The following CDH12 variants were observed in gnomAD, a reference collection of about 807,000 sequenced individuals.
CDH12 encodes cadherin 12.
In CDH12, 41 loss-of-function variants were observed where a neutral mutation model predicts 74.1. That is an observed-to-expected ratio of 0.55 (90% CI 0.43 to 0.72). CDH12 has a LOEUF of 0.72. Among genes scored for constraint, CDH12 ranks in the 30% least tolerant of loss-of-function variants. The probability of loss-of-function intolerance (pLI) is 0.00; values close to 1 mark genes in which losing one functional copy is unlikely to be tolerated. For missense variants in CDH12, 945 were observed against 977.2 expected (o/e 0.97, Z 0.44); for synonymous variants, 399 against 355.0 (o/e 1.12, Z -1.39).
At chr5:21,867,212 A>C (rs1427271405) in intron 6 of CDH12, among the ~76,000 whole-genome samples, 1 of 152,114 alleles carries the variant, frequency 6.6e-6, no homozygotes, top group Non-Finnish European at 1.5e-5. Context: ...CAAATTAGCC[A>C]GGTGTGGAGG....
At chr5:22,067,248 G>A (rs4455526) in intron 5 of CDH12, among the ~76,000 whole-genome samples, 8,452 of 152,186 alleles carry the variant, frequency 0.056, 787 homozygotes, top group African/African-American at 0.19. Context: ...TATTTACAAA[G>A]GGTATGGGAT....
chr5:22,816,172 C>T (rs1377546731), intron 1 of CDH12, among the ~76,000 whole-genome samples: 2 of 152,090 alleles, frequency 1.3e-5, no homozygotes, highest in African/African-American at 4.8e-5. Flanking sequence ...AAAGCTATTT[C>T]CTTATTTGAA....
intron 1 of CDH12, among the ~76,000 whole-genome samples, chr5:22,618,367 A>G (rs548627912): frequency 1.3e-5 from 2 of 152,232 alleles, no homozygotes; most frequent in East Asian, 3.9e-4. Flanking sequence ...TCAACATTAC[A>G]AGGACCTACA....
At chr5:22,358,333 C>CG (rs113105824) in intron 3 of CDH12, among the ~76,000 whole-genome samples, 127,481 of 151,908 alleles carry the variant, frequency 0.84, 53,551 homozygotes, top group African/African-American at 0.85. Context: ...AACTTGAACC[C>CG]GGAGGCGGAG....
At chr5:21,847,712 TATAAC>T (rs1411901421) in intron 7 of CDH12, among the ~76,000 whole-genome samples, 108 of 152,242 alleles carry the variant, frequency 7.1e-4, no homozygotes, top group African/African-American at 2.5e-3. Context: ...TGCCATGTAA[TATAAC>T]ATATTCACAG....
chr5:21,880,665 T>C (rs1271960143), intron 6 of CDH12, among the ~76,000 whole-genome samples: 1 of 138,574 alleles, frequency 7.2e-6, no homozygotes, highest in Non-Finnish European at 1.6e-5. Flanking sequence ...CTTTCTTTCT[T>C]TCTTTCTTTC....
intron 6 of CDH12, among the ~76,000 whole-genome samples, chr5:21,942,454 C>T (rs1399070460): frequency 6.7e-6 from 1 of 150,142 alleles, no homozygotes; most frequent in Non-Finnish European, 1.5e-5. Flanking sequence ...CTCATTCTCA[C>T]CTAGGTTCTT....
intron 11 of CDH12, among the ~76,000 whole-genome samples, chr5:21,780,323 T>A (rs1745833856): frequency 6.6e-6 from 1 of 152,178 alleles, no homozygotes; most frequent in Non-Finnish European, 1.5e-5. Context: ...ACTATAAAGG[T>A]TCATACTTCC....
At chr5:21,810,371 G>A (rs892629255) in intron 9 of CDH12, among the ~76,000 whole-genome samples, 3 of 152,034 alleles carry the variant, frequency 2.0e-5, no homozygotes, top group African/African-American at 7.2e-5. Context: ...GGTGGAGAAA[G>A]GAAAATTTTA....
chr5:22,748,438 G>GA lies in CDH12; in HGVS notation c.-523+104619dup, dbSNP rs562608548. ...TATTTGTGAGACATGAGTGAATAAG[G>GA]AAAAAAAAAAGATAAAGATAAAAGC... is the stretch of plus-strand genomic sequence containing the variant. On this transcript the variant is annotated intron_variant, in intron 1 of 14. Transcript: ENST00000382254. 5.0e-3 allele frequency among the ~76,000 whole-genome samples: 743 copies of GA among 147,472 alleles called. 4 individuals are homozygous for GA. Among genetic ancestry groups the GA allele is most frequent in the African/African-American group, 0.017 (691 of 40,254 alleles).
intron 1 of CDH12, among the ~76,000 whole-genome samples, chr5:22,660,606 T>G (rs1220480200): frequency 6.6e-6 from 1 of 152,170 alleles, no homozygotes; most frequent in Non-Finnish European, 1.5e-5. Context: ...TTTGTAAAGA[T>G]GAAGTCTCAC....
chr5:21,913,720 C>T (rs752938018), intron 6 of CDH12, among the ~76,000 whole-genome samples: 43 of 151,994 alleles, frequency 2.8e-4, no homozygotes, highest in Non-Finnish European at 5.0e-4. Context: ...CTGTCAACCA[C>T]GCTGGAGTGC....
At chr5:21,990,042 CCTT>C in intron 5 of CDH12, among the ~76,000 whole-genome samples, 1 of 152,212 alleles carries the variant, frequency 6.6e-6, no homozygotes, top group Non-Finnish European at 1.5e-5. Flanking sequence ...TAATTTGTAT[CCTT>C]CTTTCTGTCA....
intron 3 of CDH12, among the ~76,000 whole-genome samples, chr5:22,307,597 G>A (rs189514786): frequency 8.2e-4 from 125 of 152,154 alleles, no homozygotes; most frequent in African/African-American, 2.4e-3. Flanking sequence ...TCCTCATCAG[G>A]AGACCATTTG....
chr5:22,053,087 A>G (rs1740497632), intron 5 of CDH12, among the ~76,000 whole-genome samples: 1 of 151,014 alleles, frequency 6.6e-6, no homozygotes, highest in African/African-American at 2.4e-5. Flanking sequence ...TTTTTTTTAA[A>G]TCATTCCAGA....
intron 1 of CDH12, among the ~76,000 whole-genome samples, chr5:22,573,646 T>A (rs983988430): frequency 6.6e-6 from 1 of 152,208 alleles, no homozygotes; most frequent in African/African-American, 2.4e-5. Flanking sequence ...ATTATATTGA[T>A]CTTTTAAGTG....
chr5:21,945,441 AAAAAAAAAAAAAAAAAAG>A (rs1755533268), intron 6 of CDH12, among the ~76,000 whole-genome samples: 2 of 142,508 alleles, frequency 1.4e-5, no homozygotes, highest in African/African-American at 5.4e-5. Context: ...AAAAAAAAAA[AAAAAAAAAAAAAAAAAAG>A]AGGTTGGAAT....
At chr5:22,324,459 T>A (rs903178605) in intron 3 of CDH12, among the ~76,000 whole-genome samples, 1 of 152,034 alleles carries the variant, frequency 6.6e-6, no homozygotes, top group Non-Finnish European at 1.5e-5. Flanking sequence ...TTGCAACATA[T>A]AGAATTCTGT....
At chr5:22,466,641 T>C (rs909394558) in intron 2 of CDH12, among the ~76,000 whole-genome samples, 2 of 152,122 alleles carry the variant, frequency 1.3e-5, no homozygotes, top group East Asian at 3.9e-4. Flanking sequence ...TTTCCATTTG[T>C]TTACCCCAAA....
Sources: gnomAD v4.1 joint callset for allele counts (sites outside exome capture counted in the v4.1 genomes callset) on GRCh38, gnomAD v4.1.1 for gene constraint, MANE v1.5 for transcripts, NCBI Gene and HGNC (gene_info 2026-07-23, HGNC 2026-07-21) for gene names.